The following SDHAF3 variants were observed in gnomAD, a reference collection of about 807,000 sequenced individuals.
SDHAF3 encodes succinate dehydrogenase complex assembly factor 3.
A neutral mutation model predicts 11.5 loss-of-function variants in SDHAF3; 18 were observed. The observed-to-expected ratio is 1.56, with a 90% CI of 1.08 to 2.32. SDHAF3 has a LOEUF of 2.32. Ranked by LOEUF, SDHAF3 falls within the 30% of genes most tolerant of loss-of-function variation. The probability of loss-of-function intolerance (pLI) is 0.00; values close to 1 mark genes in which losing one functional copy is unlikely to be tolerated. For missense variants in SDHAF3, 200 were observed against 154.4 expected, an observed-to-expected ratio of 1.30 and a Z score of -1.57; for synonymous variants, 72 against 59.3, an observed-to-expected ratio of 1.21 and a Z score of -0.99.
chr7:97,144,275 C>T (rs1222661875), intron 1 of SDHAF3, among the ~76,000 whole-genome samples: 2 of 152,124 alleles, frequency 1.3e-5, no homozygotes, highest in African/African-American at 4.8e-5. Context: ...TTTTCTCCCA[C>T]TCTTGTGTGT....
chr7:97,145,170 C>A (rs1269652749), intron 1 of SDHAF3, among the ~76,000 whole-genome samples: 2 of 151,346 alleles, frequency 1.3e-5, no homozygotes, highest in African/African-American at 4.9e-5. Context: ...TATCTGGAAA[C>A]TTTGCTGAAT....
At chr7:97,126,477 G>A (rs1458189034) in intron 1 of SDHAF3, among the ~76,000 whole-genome samples, 2 of 152,178 alleles carry the variant, frequency 1.3e-5, no homozygotes, top group Admixed American at 1.3e-4. Flanking sequence ...GTAAGCCCCT[G>A]ATTGGGGCTG....
intron 1 of SDHAF3, among the ~76,000 whole-genome samples, chr7:97,125,423 G>A (rs1012844265): frequency 2.0e-5 from 3 of 152,124 alleles, no homozygotes; most frequent in Admixed American, 1.3e-4. Context: ...CTGGTACATT[G>A]TCTCTTTGTT....
intron 1 of SDHAF3, among the ~76,000 whole-genome samples, chr7:97,175,087 T>C (rs571571675): frequency 2.0e-5 from 3 of 152,186 alleles, no homozygotes; most frequent in African/African-American, 7.2e-5. Context: ...TCTGGTTGTT[T>C]CTCTATGTTA....
At chr7:97,158,228 T>C (rs1400490025) in intron 1 of SDHAF3, among the ~76,000 whole-genome samples, 4 of 152,218 alleles carry the variant, frequency 2.6e-5, no homozygotes, top group African/African-American at 4.8e-5. Context: ...ACAGTTACAT[T>C]TCCACGAATA....
intron 1 of SDHAF3, among the ~76,000 whole-genome samples, chr7:97,144,897 G>A (rs1255019634): frequency 6.6e-6 from 1 of 152,196 alleles, no homozygotes; most frequent in Non-Finnish European, 1.5e-5. Flanking sequence ...GCTTTTGGCA[G>A]TATGGTCATT....
chr7:97,126,426 T>C (rs1277155504), intron 1 of SDHAF3, among the ~76,000 whole-genome samples: 1 of 152,092 alleles, frequency 6.6e-6, no homozygotes, highest in Non-Finnish European at 1.5e-5. Flanking sequence ...AGCTGCCCCT[T>C]CCCCCAGGTG....
intron 1 of SDHAF3, among the ~76,000 whole-genome samples, chr7:97,154,577 T>G (rs1789274457): frequency 6.6e-6 from 1 of 152,164 alleles, no homozygotes; most frequent in East Asian, 1.9e-4. Context: ...CTGTAGTTTG[T>G]TTTTTTATCC....
intron 1 of SDHAF3, among the ~76,000 whole-genome samples, chr7:97,154,637 C>G (rs1789275192): frequency 6.6e-6 from 1 of 152,022 alleles, no homozygotes; most frequent in South Asian, 2.1e-4. Flanking sequence ...TGATGAAACC[C>G]AGTTTATCAT....
intron 1 of SDHAF3, among the ~76,000 whole-genome samples, chr7:97,159,306 G>C (rs1055448514): frequency 1.3e-5 from 2 of 152,180 alleles, no homozygotes; most frequent in African/African-American, 4.8e-5. Flanking sequence ...TTTTAGACTT[G>C]TAGCCATGTG....
rs540583993 is a variant in SDHAF3 at position 97,122,126 on chromosome 7, G to A, written c.174+4229G>A. Among the ~76,000 whole-genome samples, 51 of 152,290 alleles carry A rather than the reference G, an allele frequency of 3.3e-4. No homozygotes were observed. In the South Asian group the frequency reaches 7.0e-3, roughly 21 times the overall value. On this transcript the variant is annotated intron_variant, in intron 1 of 1. Transcript: ENST00000432641. ...CCCACCTGGGCCTCCCAAATGCTGGGATTACAGGCGTGAGCCACCGCGCCC... is the reference window on the plus strand; with the variant it reads ...CCCACCTGGGCCTCCCAAATGCTGGAATTACAGGCGTGAGCCACCGCGCCC...
intron 1 of SDHAF3, chr7:97,135,075 T>TC (rs1554350993): frequency 9.2e-5 from 14 of 151,690 alleles, no homozygotes; most frequent in African/African-American, 2.9e-4. Flanking sequence ...TTTTTTTTTT[T>TC]TCCCCCCAAG....
chr7:97,154,194 T>C (rs1250760009), intron 1 of SDHAF3, among the ~76,000 whole-genome samples: 1 of 151,526 alleles, frequency 6.6e-6, no homozygotes, highest in African/African-American at 2.4e-5. Flanking sequence ...ACAAAGAACC[T>C]TCTTAAGGGT....
intron 1 of SDHAF3, chr7:97,135,709 A>G (rs1791753939): frequency 8.7e-6 from 1 of 114,538 alleles, no homozygotes; most frequent in Non-Finnish European, 1.7e-5. Flanking sequence ...TTTTTGGGAG[A>G]CAGAGTCTCA....
intron 1 of SDHAF3, among the ~76,000 whole-genome samples, chr7:97,149,227 G>A (rs1157793279): frequency 2.6e-5 from 4 of 151,986 alleles, no homozygotes; most frequent in African/African-American, 4.8e-5. Flanking sequence ...GTGAGCCACC[G>A]TGCCTGGCTG....
intron 1 of SDHAF3, among the ~76,000 whole-genome samples, chr7:97,175,368 C>T (rs2115748498): frequency 6.6e-6 from 1 of 152,242 alleles, no homozygotes; most frequent in Non-Finnish European, 1.5e-5. Context: ...TAGTTCATCA[C>T]CTAGTCATTA....
intron 1 of SDHAF3, among the ~76,000 whole-genome samples, chr7:97,151,588 C>A (rs1283394667): frequency 6.6e-6 from 1 of 151,518 alleles, no homozygotes; most frequent in Non-Finnish European, 1.5e-5. Context: ...AAGCTCTGCC[C>A]CCCGGGTTCC....
chr7:97,150,288 A>T (rs1304656059), intron 1 of SDHAF3, among the ~76,000 whole-genome samples: 2 of 152,214 alleles, frequency 1.3e-5, no homozygotes, highest in African/African-American at 4.8e-5. Context: ...TGTTAATCGC[A>T]TCTAGAATGG....
intron 1 of SDHAF3, among the ~76,000 whole-genome samples, chr7:97,173,021 C>A (rs1333756298): frequency 6.6e-6 from 1 of 152,108 alleles, no homozygotes; most frequent in Non-Finnish European, 1.5e-5. Context: ...GCATTATATT[C>A]TCATGAGGTG....
Sources: allele counts gnomAD v4.1 joint callset (sites outside exome capture counted in the v4.1 genomes callset), GRCh38; gene constraint gnomAD v4.1.1; transcripts MANE v1.5; gene names NCBI Gene and HGNC (gene_info 2026-07-23, HGNC 2026-07-21).